Variants in TMEM232 observed in about 807,000 individuals in gnomAD.
The protein encoded by TMEM232 is transmembrane protein 232.
In TMEM232, 80 loss-of-function variants were observed where a neutral mutation model predicts 78.8. The observed-to-expected ratio is 1.01, with a 90% confidence interval of 0.85 to 1.22. The LOEUF (loss-of-function observed/expected upper bound fraction) is 1.22. TMEM232 is among the 50% of genes most tolerant of loss of function. The probability of loss-of-function intolerance (pLI) is 0.00; values close to 1 mark genes in which losing one functional copy is unlikely to be tolerated. For synonymous variants in TMEM232, 297 were observed against 254.3 expected (o/e 1.17, Z -1.60); for missense variants, 881 against 742.2 (o/e 1.19, Z -2.17).
At chr5:110,670,448 G>A (rs889541749) in intron 1 of TMEM232, among the ~76,000 whole-genome samples, 9 of 152,136 alleles carry the variant, frequency 5.9e-5, no homozygotes, top group Non-Finnish European at 1.3e-4. Context: ...CCTCTTCAAT[G>A]AGAACTACAA....
chr5:110,531,446 C>T (rs2149538310), intron 11 of TMEM232, among the ~76,000 whole-genome samples: 1 of 152,314 alleles, frequency 6.6e-6, no homozygotes, highest in African/African-American at 2.4e-5. Context: ...CCGACCAGCC[C>T]AAGAAACATC....
chr5:110,457,294 G>T (rs1442709496), intron 12 of TMEM232, among the ~76,000 whole-genome samples: 1 of 152,054 alleles, frequency 6.6e-6, no homozygotes, highest in Non-Finnish European at 1.5e-5. Flanking sequence ...ATTCAGTAAA[G>T]ATTTAAAACC....
chr5:110,540,680 T>A (rs1002386570), intron 11 of TMEM232, among the ~76,000 whole-genome samples: 1 of 152,182 alleles, frequency 6.6e-6, no homozygotes, highest in Non-Finnish European at 1.5e-5. Flanking sequence ...CGTAGTACAA[T>A]TGAAGCCCAG....
chr5:110,518,938 GA>G (rs1016112238), intron 12 of TMEM232, among the ~76,000 whole-genome samples: 40 of 143,070 alleles, frequency 2.8e-4, no homozygotes, highest in African/African-American at 5.6e-4. Flanking sequence ...CTGGTGCATT[GA>G]AAAAAAAAAC....
chr5:110,698,793 A>G (rs1249278002), intron 1 of TMEM232, among the ~76,000 whole-genome samples: 1 of 152,110 alleles, frequency 6.6e-6, no homozygotes, highest in Non-Finnish European at 1.5e-5. Context: ...AGTAAGGTCA[A>G]CCAAGCATTG....
At chr5:110,442,535 C>T (rs2112767507) in intron 12 of TMEM232, among the ~76,000 whole-genome samples, 1 of 152,074 alleles carries the variant, frequency 6.6e-6, no homozygotes, top group African/African-American at 2.4e-5. Flanking sequence ...TCTGTGTTAT[C>T]TTGAATTTCT....
chr5:110,732,138 G>A (rs985516931), intron 2 of TMEM232, among the ~76,000 whole-genome samples: 3 of 152,062 alleles, frequency 2.0e-5, no homozygotes, highest in African/African-American at 4.8e-5. Flanking sequence ...TCCCAATTCC[G>A]AAGAAGTTCC....
At position 110,642,354 on chromosome 5, in the gene TMEM232, G is replaced by C. The variant is rs1229238481; in HGVS notation, c.143C>G (p.Thr48Arg). ...ATTGAATCTCAAGATGAATTCTTTT[G>C]TGATTGAAAATGTTGGCCTAAATAA... ...GHKSRPTFSI[T>R]KEFILRFNQT... Residue 48 changes from threonine to arginine, a missense_variant, in exon 3 of 14, where the codon ACA (threonine) becomes AGA (arginine). Thr to Arg is a moderately conservative substitution (Grantham distance 71). Transcript: ENST00000455884. 1 of 1,516,822 alleles carries C rather than the reference G, an allele frequency of 6.6e-7. No homozygotes were observed. The highest frequency in any genetic ancestry group is 8.8e-7 in the Non-Finnish European group (1 of 1,134,028). 94.0% of individuals were successfully genotyped at this position (1,516,822 alleles called of 1,614,324 possible).
intron 12 of TMEM232, among the ~76,000 whole-genome samples, chr5:110,509,235 G>T (rs1767398016): frequency 6.6e-6 from 1 of 151,314 alleles, no homozygotes; most frequent in Admixed American, 6.6e-5. Context: ...TTTGAGATCA[G>T]CCAGGGCAAC....
intron 8 of TMEM232, among the ~76,000 whole-genome samples, chr5:110,617,409 G>A (rs1561394034): frequency 6.6e-6 from 1 of 152,096 alleles, no homozygotes; most frequent in East Asian, 1.9e-4. Context: ...TGCTAATAGA[G>A]TAAATTTTAA....
At chr5:110,396,778 T>C (rs1166577020) in intron 3 of TMEM232, among the ~76,000 whole-genome samples, 1 of 152,206 alleles carries the variant, frequency 6.6e-6, no homozygotes, top group Admixed American at 6.6e-5. Flanking sequence ...AATCCCACAT[T>C]GAGTCTTTAG....
At chr5:110,588,666 A>G (rs988540166) in intron 10 of TMEM232, among the ~76,000 whole-genome samples, 1 of 152,136 alleles carries the variant, frequency 6.6e-6, no homozygotes, top group African/African-American at 2.4e-5. Flanking sequence ...TTTGGAAAAT[A>G]TGGAAAGAAA....
intron 11 of TMEM232, among the ~76,000 whole-genome samples, chr5:110,533,109 T>C (rs1243767080): frequency 1.3e-5 from 2 of 152,044 alleles, no homozygotes; most frequent in African/African-American, 2.4e-5. Flanking sequence ...TTTTCACTAT[T>C]CCCCTGCACC....
intron 11 of TMEM232, among the ~76,000 whole-genome samples, chr5:110,540,641 G>T (rs1256176139): frequency 6.6e-6 from 1 of 152,192 alleles, no homozygotes; most frequent in Admixed American, 6.6e-5. Flanking sequence ...CAAATAGGGA[G>T]CACTGGAGCT....
Position 110,423,826 on chromosome 5 carries a change from T to C in TMEM232, c.1797+997A>G, listed in dbSNP as rs73218949. ...GTGTGTGTGTATGTGTATGTGTGTA[T>C]GTGATGTTGGCAAACTGCTATTTCA... On this transcript the variant is annotated intron_variant, in intron 13 of 13. Coordinates refer to ENST00000455884, the MANE Select transcript of TMEM232 (RefSeq NM_001039763.4). Among the ~76,000 whole-genome samples, 563 of 152,026 alleles carry C rather than the reference T, an allele frequency of 3.7e-3. 3 individuals carry two copies. The highest frequency in any genetic ancestry group is 0.013 in the African/African-American group (523 of 41,474).
intron 3 of TMEM232, among the ~76,000 whole-genome samples, chr5:110,393,337 G>A (rs527325224): frequency 6.6e-6 from 1 of 152,068 alleles, no homozygotes; most frequent in Non-Finnish European, 1.5e-5. Flanking sequence ...TAATTTTGCT[G>A]TTAGGTGCAT....
rs898294458 is a variant in TMEM232, at chr5:110,510,092, T to C, written c.1703+18496A>G. Among the ~76,000 whole-genome samples the C allele has an allele frequency of 2.0e-5, 3 of 152,196 alleles. No individual in the cohort carries two copies. The East Asian group carries it at 5.8e-4, about 29-fold the overall frequency. On this transcript the variant is annotated intron_variant, in intron 12 of 13. Transcript: ENST00000455884. Reference sequence around the variant, plus strand: ...AATTCTACCAGAGGCCTGTTTCTCATGTTACTGTGCTCCTTCCCAAGGAAA... The same window carrying C: ...AATTCTACCAGAGGCCTGTTTCTCACGTTACTGTGCTCCTTCCCAAGGAAA...
intron 7 of TMEM232, among the ~76,000 whole-genome samples, chr5:110,620,575 ATATCTCTCTCTCTCTCTCTCTC>A (rs1561399392): frequency 1.5e-5 from 1 of 65,134 alleles, no homozygotes; most frequent in African/African-American, 6.2e-5. Flanking sequence ...TATGTCTCTC[ATATCTCTCTCTCTCTCTCTCTC>A]TCTCTCTCTC....
chr5:110,504,512 G>A (rs764124692), intron 12 of TMEM232, among the ~76,000 whole-genome samples: 13 of 152,202 alleles, frequency 8.5e-5, no homozygotes, highest in Non-Finnish European at 1.9e-4. Context: ...TGACTCATGT[G>A]ATTGTAGAGG....
Sources: allele counts gnomAD v4.1 joint callset (sites outside exome capture counted in the v4.1 genomes callset), GRCh38; gene constraint gnomAD v4.1.1; transcripts MANE v1.5; gene names NCBI Gene and HGNC (gene_info 2026-07-23, HGNC 2026-07-21).